The following SMG6 variants were observed in gnomAD, a reference collection of about 807,000 sequenced individuals.
SMG6 encodes the protein telomerase-binding protein EST1A.
SMG6 carries 66 observed loss-of-function variants against 142.2 expected under a neutral mutation model. The ratio of observed to expected loss-of-function variants is 0.46; its 90% CI spans 0.38 to 0.57. The LOEUF (loss-of-function observed/expected upper bound fraction) is 0.57. Among genes scored for constraint, SMG6 ranks in the 20% least tolerant of loss-of-function variants. The pLI, the probability that SMG6 is intolerant of heterozygous loss-of-function variation, is 0.00. For missense variants in SMG6, 1,793 were observed against 1,832.0 expected (o/e 0.98, Z 0.39); for synonymous variants, 779 against 702.4 (o/e 1.11, Z -1.72).
At chr17:2,107,524 C>A (rs890295969) in intron 13 of SMG6, among the ~76,000 whole-genome samples, 1 of 152,196 alleles carries the variant, frequency 6.6e-6, no homozygotes, top group African/African-American at 2.4e-5. Context: ...AACCTGCCAG[C>A]CTTTCTGCTC....
chr17:2,211,094 ATT>A (rs2072842705), intron 10 of SMG6, among the ~76,000 whole-genome samples: 2 of 87,208 alleles, frequency 2.3e-5, no homozygotes, highest in Non-Finnish European at 4.7e-5. Context: ...GAGGAGCTGG[ATT>A]TTATTAAAAA....
intron 15 of SMG6, among the ~76,000 whole-genome samples, chr17:2,078,643 A>T (rs896243822): frequency 1.3e-5 from 2 of 152,124 alleles, no homozygotes. Flanking sequence ...AAGTGCTGGG[A>T]TTACAGGCAT....
At chr17:2,123,918 C>A (rs1567616019) in intron 13 of SMG6, among the ~76,000 whole-genome samples, 1 of 152,220 alleles carries the variant, frequency 6.6e-6, no homozygotes. Context: ...CTGCTCACCC[C>A]ACCCTCCATT....
At chr17:2,255,187 G>A (rs571112776) in intron 8 of SMG6, among the ~76,000 whole-genome samples, 3 of 151,720 alleles carry the variant, frequency 2.0e-5, no homozygotes, top group Non-Finnish European at 2.9e-5. Context: ...GGCGGATCAC[G>A]AGGTCAGGAG....
At chr17:2,150,904 G>A (rs1028370461) in intron 13 of SMG6, among the ~76,000 whole-genome samples, 5 of 151,038 alleles carry the variant, frequency 3.3e-5, no homozygotes, top group South Asian at 2.1e-4. Flanking sequence ...AAAAAAATCC[G>A]TAACCCAGCT....
intron 2 of SMG6, 23 bp downstream of exon 2, chr17:2,298,883 A>G (rs767850029): frequency 2.9e-5 from 47 of 1,595,806 alleles, no homozygotes; most frequent in Non-Finnish European, 3.7e-5. Context: ...ATTTCCCTCC[A>G]GCCAGAATAG....
At chr17:2,096,317 C>T (rs2068854048) in intron 13 of SMG6, among the ~76,000 whole-genome samples, 4 of 152,214 alleles carry the variant, frequency 2.6e-5, no homozygotes, top group African/African-American at 4.8e-5. Flanking sequence ...AAGTGATTCT[C>T]GTGCCTCAGC....
intron 2 of SMG6, among the ~76,000 whole-genome samples, chr17:2,298,590 C>A (rs1265257397): frequency 6.6e-6 from 1 of 151,678 alleles, no homozygotes; most frequent in Admixed American, 6.6e-5. Flanking sequence ...TGGTGGCAGG[C>A]GCCTGTAGTC....
chr17:2,109,015 T>C (rs188369840), intron 13 of SMG6, among the ~76,000 whole-genome samples: 294 of 152,340 alleles, frequency 1.9e-3, no homozygotes, highest in African/African-American at 5.8e-3. Context: ...ATCCCCATTT[T>C]TCAGAGAGTA....
chr17:2,244,415 T>C (rs2073883842), intron 9 of SMG6, among the ~76,000 whole-genome samples: 1 of 152,010 alleles, frequency 6.6e-6, no homozygotes, highest in South Asian at 2.1e-4. Context: ...GGGACAAGAT[T>C]GTATTTAAAG....
intron 6 of SMG6, among the ~76,000 whole-genome samples, chr17:2,288,214 T>G (rs988112833): frequency 5.9e-5 from 9 of 151,970 alleles, no homozygotes; most frequent in African/African-American, 1.9e-4. Flanking sequence ...CTCAGGAAGC[T>G]GAGAAAGGAG....
In SMG6 at chr17:2,068,627, T is replaced by C. The variant is rs2068011982; in HGVS notation, c.3835+151A>G. 1 of 732,994 alleles carries C rather than the reference T, an allele frequency of 1.4e-6. No homozygotes were observed. The highest frequency in any genetic ancestry group is 1.8e-5 in the African/African-American group (1 of 56,234). 45.4% of individuals were successfully genotyped at this position (732,994 alleles called of 1,614,324 possible). ...AACTACTTTGATTATTAAACAGTTT[T>C]CTTTGCCCCACGCGTTCCCTACTCC... is the stretch of plus-strand genomic sequence containing the variant. On this transcript the variant is annotated intron_variant, in intron 16 of 18. Coordinates refer to ENST00000263073, the MANE Select transcript of SMG6 (RefSeq NM_017575.5). This position sits in a 1 kb window ranked among gnomAD's most constrained non-coding sequence, Gnocchi z 6.7.
At chr17:2,065,822 C>T (rs1318559441) in intron 16 of SMG6, 143 bp from the exon 17 acceptor site, 19 of 694,942 alleles carry the variant, frequency 2.7e-5, no homozygotes, top group African/African-American at 5.3e-5. Context: ...AAACTAGGGC[C>T]GGAGGGGAGC....
chr17:2,280,000 A>ATGACACAC, intron 8 of SMG6, among the ~76,000 whole-genome samples: 1 of 152,236 alleles, frequency 6.6e-6, no homozygotes, highest in African/African-American at 2.4e-5. Flanking sequence ...CGGAACTATA[A>ATGACACAC]TGACACACCT....
At chr17:2,137,044 G>A (rs2070326291) in intron 13 of SMG6, among the ~76,000 whole-genome samples, 1 of 152,094 alleles carries the variant, frequency 6.6e-6, no homozygotes, top group African/African-American at 2.4e-5. Context: ...CACGCCTGTA[G>A]TCCCAGCTAC....
In SMG6 at chr17:2,064,591, C is replaced by A. The variant is rs72634004; in HGVS notation, c.4129+482G>T. Among the ~76,000 whole-genome samples, 13 of 152,136 alleles carry A rather than the reference C, an allele frequency of 8.5e-5. No individual in the cohort carries two copies. In the East Asian group the frequency reaches 2.3e-3, roughly 27 times the overall value. On this transcript the variant is annotated intron_variant, in intron 18 of 18. Coordinates refer to ENST00000263073, the MANE Select transcript of SMG6 (RefSeq NM_017575.5). ...CTGGGGAAATGCCTCTGCCCCAGGC[C>A]TGAAATAGGGTAAACACTCAGGGGT...
chr17:2,133,045 G>A (rs540931416), intron 13 of SMG6, among the ~76,000 whole-genome samples: 29 of 152,262 alleles, frequency 1.9e-4, no homozygotes, highest in Non-Finnish European at 4.1e-4. Context: ...AGGAGTTTGA[G>A]ACCAGCCTGG....
At chr17:2,288,946 G>A (rs1004469926) in intron 6 of SMG6, among the ~76,000 whole-genome samples, 6 of 151,868 alleles carry the variant, frequency 4.0e-5, no homozygotes, top group African/African-American at 1.5e-4. Flanking sequence ...GGGTGTGGTG[G>A]AGGGCGCCTG....
chr17:2,256,766 C>T (rs1247408317), intron 8 of SMG6, among the ~76,000 whole-genome samples: 1 of 132,812 alleles, frequency 7.5e-6, no homozygotes, highest in African/African-American at 2.6e-5. Context: ...CACAGTGAGA[C>T]TTAATTTTTA....
Sources: allele counts gnomAD v4.1 joint callset (sites outside exome capture counted in the v4.1 genomes callset), GRCh38; gene constraint gnomAD v4.1.1; non-coding constraint Gnocchi (gnomAD v3.1); transcripts MANE v1.5; gene names NCBI Gene and HGNC (gene_info 2026-07-23, HGNC 2026-07-21).